Variants in LDLRAD4 observed in about 807,000 individuals in gnomAD.
The protein encoded by LDLRAD4 is low density lipoprotein receptor class A domain containing 4, also known as low-density lipoprotein receptor class A domain-containing protein 4.
Under a neutral mutation model 17.0 loss-of-function variants are expected in LDLRAD4, and 5 were observed. The ratio of observed to expected loss-of-function variants is 0.29; its 90% CI spans 0.15 to 0.62. LDLRAD4 has a LOEUF of 0.62. Ranked by LOEUF, LDLRAD4 falls within the 20% of genes least tolerant of loss-of-function variation. The pLI is 0.84. For missense variants in LDLRAD4, 340 were observed against 424.7 expected, an observed-to-expected ratio of 0.80 and a Z score of 1.75; for synonymous variants, 168 against 171.8, an observed-to-expected ratio of 0.98 and a Z score of 0.17.
At chr18:13,591,277 C>A (rs2095024050) in intron 3 of LDLRAD4, among the ~76,000 whole-genome samples, 1 of 152,128 alleles carries the variant, frequency 6.6e-6, no homozygotes, top group African/African-American at 2.4e-5. Flanking sequence ...GGTTTGCTTT[C>A]AAAGATTTTT....
intron 3 of LDLRAD4, among the ~76,000 whole-genome samples, chr18:13,573,088 A>ATTTTAT (rs1359272975): frequency 6.6e-6 from 1 of 152,038 alleles, no homozygotes; most frequent in African/African-American, 2.4e-5. Flanking sequence ...CCTTTATTTT[A>ATTTTAT]TTTTATTTTT....
chr18:13,222,478 G>A lies in LDLRAD4; in HGVS notation c.-467+3490G>A, dbSNP rs563331140. 1.2e-4 allele frequency among the ~76,000 whole-genome samples: 18 copies of A among 152,288 alleles called. No individual in the cohort carries two copies. The South Asian group carries it at 3.7e-3, about 32-fold the overall frequency. On this transcript the variant is annotated intron_variant, in intron 1 of 5. Coordinates refer to the LDLRAD4 transcript ENST00000399848. ...GACAGTGCAAGTTGGTGCTTGCCAA[G>A]CTCCAGACAGATTGTTAATGTTACA...
intron 3 of LDLRAD4, among the ~76,000 whole-genome samples, chr18:13,580,440 A>T (rs1359718195): frequency 6.6e-6 from 1 of 152,206 alleles, no homozygotes; most frequent in African/African-American, 2.4e-5. Context: ...CAGCCAGAGG[A>T]TGGGCCCCAG....
intron 3 of LDLRAD4, among the ~76,000 whole-genome samples, chr18:13,455,696 C>A (rs1045733061): frequency 1.3e-5 from 2 of 152,188 alleles, no homozygotes; most frequent in African/African-American, 4.8e-5. Flanking sequence ...TGGCTTCCTC[C>A]TTCCACACAG....
chr18:13,301,074 G>T (rs1056232281), intron 1 of LDLRAD4, among the ~76,000 whole-genome samples: 48 of 146,216 alleles, frequency 3.3e-4, no homozygotes, highest in African/African-American at 1.2e-3. Context: ...ACTGGCCGGG[G>T]TGTCCGTGGT....
intron 4 of LDLRAD4, among the ~76,000 whole-genome samples, chr18:13,623,350 C>T (rs1420036134): frequency 6.6e-6 from 1 of 152,250 alleles, no homozygotes; most frequent in Non-Finnish European, 1.5e-5. Context: ...CAGTGGTCCA[C>T]ATCCCTGTCT....
chr18:13,482,597 A>G (rs1455032793), intron 3 of LDLRAD4, among the ~76,000 whole-genome samples: 1 of 152,250 alleles, frequency 6.6e-6, no homozygotes, highest in Non-Finnish European at 1.5e-5. Flanking sequence ...GGGCCGGGTC[A>G]GAGCTGTCCC....
At chr18:13,499,560 A>G (rs139104244) in intron 3 of LDLRAD4, among the ~76,000 whole-genome samples, 4,209 of 113,342 alleles carry the variant, frequency 0.037, 62 homozygotes, top group Middle Eastern at 0.083. Context: ...CACACTTCCC[A>G]CCGTGGACAC....
intron 1 of LDLRAD4, among the ~76,000 whole-genome samples, chr18:13,286,879 G>A: frequency 6.6e-6 from 1 of 152,212 alleles, no homozygotes; most frequent in South Asian, 2.1e-4. Flanking sequence ...TGTGTTGGTA[G>A]CTGGAATGTG....
intron 3 of LDLRAD4, among the ~76,000 whole-genome samples, chr18:13,554,096 C>T (rs7230209): frequency 0.2 from 30,586 of 152,048 alleles, 3,295 homozygotes; most frequent in African/African-American, 0.23. Flanking sequence ...AATGATCGTA[C>T]TTTCTCTGCT....
chr18:13,447,773 G>A (rs2091515792), intron 3 of LDLRAD4, among the ~76,000 whole-genome samples: 1 of 152,172 alleles, frequency 6.6e-6, no homozygotes, highest in African/African-American at 2.4e-5. Context: ...AGGGAAAAAT[G>A]GTTTCAGTTC....
chr18:13,396,108 C>T (rs2086670716), intron 2 of LDLRAD4, among the ~76,000 whole-genome samples: 2 of 152,234 alleles, frequency 1.3e-5, no homozygotes, highest in South Asian at 4.1e-4. Context: ...TTTATGGTTC[C>T]GTTAAAATTT....
At chr18:13,424,042 G>A (rs1423271173) in intron 2 of LDLRAD4, among the ~76,000 whole-genome samples, 1 of 151,976 alleles carries the variant, frequency 6.6e-6, no homozygotes. Context: ...GGCTGAGACA[G>A]GAGAATCACT....
In LDLRAD4 at chr18:13,300,974, T is replaced by C. The variant is rs568744645; in HGVS notation, c.-383+22786T>C. 6.6e-6 allele frequency among the ~76,000 whole-genome samples: 1 copy of C among 152,230 alleles called. No homozygotes were observed. The highest frequency in any genetic ancestry group is 2.1e-4 in the South Asian group (1 of 4,836). The stretch of plus-strand genomic sequence containing the variant: ...GCCCGAGTCCCCGCTGTGAGCGCCC[T>C]GAGGAGCATGTGTGTCTCCGCACTA... On this transcript the variant is annotated intron_variant, in intron 1 of 5. Coordinates refer to ENST00000359446, the Ensembl canonical transcript of LDLRAD4. The surrounding 1 kb of genome is among the most constrained non-coding windows in gnomAD (Gnocchi z 4.2).
chr18:13,548,395 A>AG (rs2148038676), intron 3 of LDLRAD4, among the ~76,000 whole-genome samples: 1 of 152,304 alleles, frequency 6.6e-6, no homozygotes, highest in South Asian at 2.1e-4. Flanking sequence ...GGTGCCTGCA[A>AG]GCCCAGGCTG....
intron 3 of LDLRAD4, among the ~76,000 whole-genome samples, chr18:13,492,221 A>T (rs1174597456): frequency 2.6e-5 from 4 of 152,216 alleles, no homozygotes; most frequent in African/African-American, 9.6e-5. Flanking sequence ...CAGAGGAAGG[A>T]TGCGAGTGGC....
At chr18:13,467,928 G>A (rs891687957) in intron 3 of LDLRAD4, among the ~76,000 whole-genome samples, 4 of 152,182 alleles carry the variant, frequency 2.6e-5, no homozygotes, top group Admixed American at 2.0e-4. Context: ...GGGCAACTGG[G>A]TTCCTGCATC....
intron 1 of LDLRAD4, among the ~76,000 whole-genome samples, chr18:13,350,912 T>C (rs1024653662): frequency 1.5e-4 from 23 of 152,342 alleles, no homozygotes; most frequent in African/African-American, 5.5e-4. Flanking sequence ...CTTGTTTTTG[T>C]ACAGTTTGTT....
At chr18:13,547,809 C>T (rs2094386285) in intron 3 of LDLRAD4, among the ~76,000 whole-genome samples, 1 of 152,178 alleles carries the variant, frequency 6.6e-6, no homozygotes, top group Non-Finnish European at 1.5e-5. Flanking sequence ...TGTCTGGGCT[C>T]CCCAAAGGGC....
Sources: gnomAD v4.1 joint callset for allele counts (sites outside exome capture counted in the v4.1 genomes callset) on GRCh38, gnomAD v4.1.1 for gene constraint, Gnocchi (gnomAD v3.1) non-coding constraint, MANE v1.5 for transcripts, NCBI Gene and HGNC (gene_info 2026-07-23, HGNC 2026-07-21) for gene names.